The following CDK19 variants were observed in gnomAD, a reference collection of about 807,000 sequenced individuals.
CDK19 encodes cyclin-dependent kinase 19.
A neutral mutation model predicts 68.3 loss-of-function variants in CDK19; 20 were observed. That is an observed-to-expected ratio of 0.29 (90% CI 0.21 to 0.43). The LOEUF (loss-of-function observed/expected upper bound fraction) is 0.43, where lower values mean the gene tolerates loss of function less well. Among genes scored for constraint, CDK19 ranks in the 20% least tolerant of loss-of-function variants. The pLI, the probability that CDK19 is intolerant of heterozygous loss-of-function variation, is 1.00. For missense variants in CDK19, 339 were observed against 623.5 expected, an observed-to-expected ratio of 0.54 and a Z score of 4.86; for synonymous variants, 221 against 222.8, an observed-to-expected ratio of 0.99 and a Z score of 0.07.
At chr6:110,709,103 G>A (rs1459591564) in intron 2 of CDK19, among the ~76,000 whole-genome samples, 1 of 152,134 alleles carries the variant, frequency 6.6e-6, no homozygotes, top group Non-Finnish European at 1.5e-5. Context: ...AATAGATGCA[G>A]AAAAGGCCTT....
At chr6:110,694,337 A>C (rs929182057) in intron 2 of CDK19, among the ~76,000 whole-genome samples, 3 of 151,742 alleles carry the variant, frequency 2.0e-5, no homozygotes, top group African/African-American at 7.2e-5. Flanking sequence ...TGCAAAAGGA[A>C]ACTAGAAGCC....
At chr6:110,769,128 C>A (rs1290459378) in intron 1 of CDK19, among the ~76,000 whole-genome samples, 2 of 117,302 alleles carry the variant, frequency 1.7e-5, no homozygotes. Context: ...GCATTCCAGA[C>A]TGGGTGACAG....
chr6:110,673,583 G>A (rs538246964), intron 2 of CDK19, among the ~76,000 whole-genome samples: 1 of 151,686 alleles, frequency 6.6e-6, no homozygotes, highest in East Asian at 1.9e-4. Flanking sequence ...TCACTACGTT[G>A]TCCAGGCTGG....
intron 8 of CDK19, among the ~76,000 whole-genome samples, chr6:110,623,871 A>G (rs1778899969): frequency 9.1e-6 from 1 of 109,930 alleles, no homozygotes; most frequent in Admixed American, 1.1e-4. Context: ...CATATATAGT[A>G]TATATACGTA....
chr6:110,792,666 G>A (rs751072735), intron 1 of CDK19, among the ~76,000 whole-genome samples: 10 of 152,314 alleles, frequency 6.6e-5, no homozygotes, highest in South Asian at 6.2e-4. Context: ...CGCGACAGGC[G>A]AGGGATGGAC....
chr6:110,652,140 C>T (rs1196093881), intron 4 of CDK19, among the ~76,000 whole-genome samples: 3 of 151,804 alleles, frequency 2.0e-5, no homozygotes, highest in Admixed American at 6.6e-5. Context: ...TGTGAAGGAA[C>T]ATCAAAGGTA....
At chr6:110,689,135 C>T (rs1472504181) in intron 2 of CDK19, among the ~76,000 whole-genome samples, 1 of 152,146 alleles carries the variant, frequency 6.6e-6, no homozygotes, top group East Asian at 1.9e-4. Context: ...CCGCATACTA[C>T]TCCCCACTCC....
intron 1 of CDK19, among the ~76,000 whole-genome samples, chr6:110,758,505 T>G (rs1778981653): frequency 6.6e-6 from 1 of 152,208 alleles, no homozygotes; most frequent in Non-Finnish European, 1.5e-5. Flanking sequence ...ACTATCTTGC[T>G]CATTTCTGTA....
chr6:110,634,443 C>G (rs1355625678), intron 5 of CDK19, among the ~76,000 whole-genome samples: 1 of 152,222 alleles, frequency 6.6e-6, no homozygotes, highest in Non-Finnish European at 1.5e-5. Context: ...GTCATGAACT[C>G]CTGACCTCAA....
rs568512194 is a variant in CDK19, at chr6:110,661,945, A to T, written c.456+5489T>A. On this transcript the variant is annotated intron_variant, in intron 4 of 12. Coordinates refer to ENST00000368911, the MANE Select transcript of CDK19 (RefSeq NM_015076.5). ...AAAAGAGCTTTGGGATGGCAACTCCACACATTTTATTTATTTATTTGTATT... is the reference window on the plus strand; with the variant it reads ...AAAAGAGCTTTGGGATGGCAACTCCTCACATTTTATTTATTTATTTGTATT... Among the ~76,000 whole-genome samples the T allele has an allele frequency of 2.1e-3, 321 of 151,084 alleles. 3 individuals are homozygous for T. The highest frequency in any genetic ancestry group is 7.5e-3 in the African/African-American group (309 of 41,048).
chr6:110,760,944 G>A (rs143211028), intron 1 of CDK19, among the ~76,000 whole-genome samples: 5 of 152,282 alleles, frequency 3.3e-5, no homozygotes, highest in East Asian at 3.9e-4. Context: ...CTTCTCAGAC[G>A]GGGAATATGC....
Position 110,799,685 on chromosome 6 carries a change from C to T in CDK19, c.128+15324G>A, listed in dbSNP as rs1477766407. Among the ~76,000 whole-genome samples the T allele has an allele frequency of 2.6e-5, 4 of 152,130 alleles. No individual in the cohort carries two copies. The East Asian group carries it at 7.7e-4, about 29-fold the overall frequency. On this transcript the variant is annotated intron_variant, in intron 1 of 12. Transcript: ENST00000368911. The stretch of plus-strand genomic sequence containing the variant: ...CAATCTCGGCTCACTGCAGCCTCAA[C>T]CTCCCCAGCTCAAGTGATCTTCCCA...
intron 1 of CDK19, among the ~76,000 whole-genome samples, chr6:110,777,945 C>A (rs1385579201): frequency 6.6e-6 from 1 of 152,128 alleles, no homozygotes; most frequent in African/African-American, 2.4e-5. Context: ...TTCATAGAGA[C>A]AGAAAGCAGA....
intron 2 of CDK19, among the ~76,000 whole-genome samples, chr6:110,742,413 G>A (rs1334296204): frequency 6.6e-6 from 1 of 152,078 alleles, no homozygotes; most frequent in East Asian, 1.9e-4. Context: ...ACGTGTGTTT[G>A]AACAATATGA....
intron 2 of CDK19, among the ~76,000 whole-genome samples, chr6:110,678,125 G>A (rs1008768917): frequency 2.0e-5 from 3 of 152,042 alleles, no homozygotes; most frequent in African/African-American, 7.2e-5. Flanking sequence ...TAGGATTCCA[G>A]GTGTGAGCCA....
At chr6:110,734,418 A>G (rs1383092388) in intron 2 of CDK19, among the ~76,000 whole-genome samples, 1 of 152,130 alleles carries the variant, frequency 6.6e-6, no homozygotes, top group Non-Finnish European at 1.5e-5. Context: ...CACAACAAAA[A>G]TTTACACATT....
chr6:110,744,713 T>C (rs1347159372), intron 2 of CDK19, among the ~76,000 whole-genome samples: 1 of 152,140 alleles, frequency 6.6e-6, no homozygotes, highest in Non-Finnish European at 1.5e-5. Context: ...GTACACACAG[T>C]CCAGGGAGAG....
intron 4 of CDK19, among the ~76,000 whole-genome samples, chr6:110,651,169 T>G (rs999792293): frequency 6.6e-6 from 1 of 152,166 alleles, no homozygotes; most frequent in East Asian, 1.9e-4. Flanking sequence ...TGACTAGAAT[T>G]ATCATCACTT....
intron 2 of CDK19, among the ~76,000 whole-genome samples, chr6:110,710,091 T>A (rs991327793): frequency 6.6e-6 from 1 of 152,174 alleles, no homozygotes; most frequent in African/African-American, 2.4e-5. Context: ...AGATCACACA[T>A]AACAATGCAA....
Sources: gnomAD v4.1 joint callset for allele counts (sites outside exome capture counted in the v4.1 genomes callset) on GRCh38, gnomAD v4.1.1 for gene constraint, MANE v1.5 for transcripts, NCBI Gene and HGNC (gene_info 2026-07-23, HGNC 2026-07-21) for gene names.